HCN4: variants seen among roughly 807,000 people sequenced by gnomAD.
HCN4 encodes the protein hyperpolarization activated cyclic nucleotide gated potassium channel 4, also known as potassium/sodium hyperpolarization-activated cyclic nucleotide-gated channel 4.
HCN4 carries 29 observed loss-of-function variants against 76.9 expected under a neutral mutation model. The observed-to-expected ratio is 0.38, with a 90% confidence interval of 0.28 to 0.51. The LOEUF is 0.51. HCN4 is among the 20% of genes least tolerant of loss of function. The pLI is 0.90. For synonymous variants in HCN4, 772 were observed against 762.5 expected, an observed-to-expected ratio of 1.01 and a Z score of -0.21; for missense variants, 1,416 against 1,715.2, an observed-to-expected ratio of 0.83 and a Z score of 3.08.
intron 1 of HCN4, among the ~76,000 whole-genome samples, chr15:73,364,238 T>C (rs2043118805): frequency 1.3e-5 from 2 of 151,930 alleles, no homozygotes; most frequent in Non-Finnish European, 2.9e-5. Flanking sequence ...AGAACTGACG[T>C]TCCACACAGG....
intron 1 of HCN4, among the ~76,000 whole-genome samples, chr15:73,362,752 C>T (rs144402897): frequency 6.6e-6 from 1 of 152,152 alleles, no homozygotes; most frequent in Admixed American, 6.5e-5. Flanking sequence ...CCAAAACCCT[C>T]GAAGCTCACA....
At position 73,322,220 on chromosome 15, in the gene HCN4, G is replaced by T. The variant is rs1233421873; in HGVS notation, c.*261C>A. 1.2e-4 allele frequency: 40 copies of T among 328,912 alleles called. No homozygotes were observed. The highest frequency in any genetic ancestry group is 2.3e-4 in the South Asian group (9 of 38,448). 20.4% of individuals were successfully genotyped at this position (328,912 alleles called of 1,614,324 possible). On this transcript the variant is annotated 3_prime_UTR_variant, in exon 8 of 8. Transcript: ENST00000261917. ...CCCCATCTGCCTTTCTCTGGCTTTT[G>T]CATTTGGGACCTGCCTGCTCCCTCC...
At chr15:73,354,916 A>G (rs936857449) in intron 1 of HCN4, among the ~76,000 whole-genome samples, 1 of 152,198 alleles carries the variant, frequency 6.6e-6, no homozygotes, top group South Asian at 2.1e-4. Context: ...CCCACCCCAC[A>G]GCGGAGCTGA....
Position 73,332,115 on chromosome 15 carries a change from G to C in HCN4, c.1371+16C>G. 6.2e-7 allele frequency: 1 copy of C among 1,612,766 alleles called. No individual in the cohort carries two copies. Among genetic ancestry groups the C allele is most frequent in the Non-Finnish European group, 8.5e-7 (1 of 1,179,548 alleles). The stretch of plus-strand genomic sequence containing the variant: ...CGCCTATGGCCCAGAGAGAGGACCG[G>C]GCTGGGCGCACTCACCACCATGTTG... On this transcript the variant is annotated intron_variant, in intron 3 of 7. Coordinates refer to ENST00000261917, the MANE Select transcript of HCN4 (RefSeq NM_005477.3).
At chr15:73,344,039 T>A (rs1285218389) in intron 1 of HCN4, among the ~76,000 whole-genome samples, 1 of 152,182 alleles carries the variant, frequency 6.6e-6, no homozygotes, top group Non-Finnish European at 1.5e-5. Context: ...TTCTGTGAGT[T>A]TCCCCGAGCC....
intron 2 of HCN4, among the ~76,000 whole-genome samples, chr15:73,332,592 G>A (rs549738939): frequency 6.6e-6 from 1 of 152,332 alleles, no homozygotes; most frequent in East Asian, 1.9e-4. Flanking sequence ...GCCCCATGCA[G>A]CCCAGAAGTG....
intron 1 of HCN4, among the ~76,000 whole-genome samples, chr15:73,360,463 T>G (rs2043100159): frequency 6.6e-6 from 1 of 152,250 alleles, no homozygotes; most frequent in African/African-American, 2.4e-5. Context: ...CCATTTTCTG[T>G]GCCTGCTGAC....
Position 73,367,621 on chromosome 15 carries a change from T to A in HCN4, c.650A>T (p.Gln217Leu). The change falls in exon 1 of 8, where the codon CAG (glutamine) becomes CTG (leucine). Residue 217 changes from glutamine to leucine, a missense_variant. This residue lies in a region of HCN4 where 355 missense variants were observed against 347.8 expected (regional missense o/e 1.02). Coordinates refer to ENST00000261917, the MANE Select transcript of HCN4 (RefSeq NM_005477.3). The surrounding 1 kb of genome is among the most constrained non-coding windows in gnomAD (Gnocchi z 7.5). The stretch of plus-strand genomic sequence containing the variant: ...CCCGGGTTGGAGCATGGCCCCGAAC[T>A]GGCGCTGCATGAAGCCGGCCTGGCC... ...RLGQAGFMQR[Q>L]FGAMLQPGVN... 2 of 1,613,010 alleles carry A rather than the reference T, an allele frequency of 1.2e-6. No individual in the cohort carries two copies. Among genetic ancestry groups the A allele is most frequent in the Non-Finnish European group, 1.7e-6 (2 of 1,179,980 alleles).
chr15:73,334,394 G>A (rs1480934799), intron 2 of HCN4, among the ~76,000 whole-genome samples: 3 of 152,084 alleles, frequency 2.0e-5, no homozygotes, highest in South Asian at 2.1e-4. Context: ...TCCTAAGACC[G>A]TGAGGCTCTC....
chr15:73,365,893 G>A (rs1403982972), intron 1 of HCN4, among the ~76,000 whole-genome samples: 3 of 152,202 alleles, frequency 2.0e-5, no homozygotes, highest in Admixed American at 1.3e-4. Flanking sequence ...TTGAGAGACA[G>A]GAGGAAAAAC....
At position 73,329,640 on chromosome 15, in the gene HCN4, A is replaced by G; in HGVS notation, c.1523T>C (p.Met508Thr). The G allele has an allele frequency of 6.2e-7, 1 of 1,614,182 alleles. No individual in the cohort carries two copies. The highest frequency in any genetic ancestry group is 8.5e-7 in the Non-Finnish European group (1 of 1,180,008). The change falls in exon 4 of 8, where the codon ATG becomes ACG. Residue 508 changes from methionine (M) to threonine (T), a missense_variant. Transcript: ENST00000261917. The stretch of plus-strand genomic sequence containing the variant: ...GAGGGCAGTGGCGTGGCCAATGAAC[A>G]TGGCGTAGCAGGTGGCACCCACGAT... ...SMIVGATCYAMFIGHATALIQ... is the reference protein window; with the variant it reads ...SMIVGATCYATFIGHATALIQ...
intron 1 of HCN4, among the ~76,000 whole-genome samples, chr15:73,364,225 C>A (rs1288753991): frequency 6.6e-6 from 1 of 152,242 alleles, no homozygotes; most frequent in East Asian, 1.9e-4. Context: ...CAGCAGCAAT[C>A]CCAGAACTGA....
chr15:73,362,089 C>T (rs2043107387), intron 1 of HCN4, among the ~76,000 whole-genome samples: 1 of 152,234 alleles, frequency 6.6e-6, no homozygotes, highest in Non-Finnish European at 1.5e-5. Flanking sequence ...CAGCTTCTTC[C>T]TGTTCACACC....
chr15:73,340,529 G>A (rs1001183983), intron 2 of HCN4, among the ~76,000 whole-genome samples: 4 of 152,106 alleles, frequency 2.6e-5, no homozygotes, highest in Admixed American at 6.5e-5. Flanking sequence ...GGGGAAACAC[G>A]CCTCCATCTT....
At chr15:73,357,335 T>C (rs1487846205) in intron 1 of HCN4, among the ~76,000 whole-genome samples, 1 of 152,004 alleles carries the variant, frequency 6.6e-6, no homozygotes, top group Non-Finnish European at 1.5e-5. Flanking sequence ...CCCAACAGGA[T>C]GATGATGCCC....
chr15:73,328,743 G>A lies in HCN4; in HGVS notation c.1590+830C>T, dbSNP rs2042914950. 1.3e-5 allele frequency among the ~76,000 whole-genome samples: 2 copies of A among 152,158 alleles called. No individual in the cohort carries two copies. The highest frequency in any genetic ancestry group is 2.9e-5 in the Non-Finnish European group (2 of 68,024). ...CAGGCCACAGGACTCATTCTCTGTGGTGAGGGGGCTGCTGTTGAGACCCCA... is the reference window on the plus strand; with the variant it reads ...CAGGCCACAGGACTCATTCTCTGTGATGAGGGGGCTGCTGTTGAGACCCCA... On this transcript the variant is annotated intron_variant, in intron 4 of 7. Coordinates refer to ENST00000261917, the MANE Select transcript of HCN4 (RefSeq NM_005477.3). This position sits in a 1 kb window ranked among gnomAD's most constrained non-coding sequence, Gnocchi z 4.0.
rs1201895951 is a variant in HCN4 at position 73,323,033 on chromosome 15, A to G, written c.3060T>C (p.Thr1020=). 2.0e-6 allele frequency: 3 copies of G among 1,499,350 alleles called. No homozygotes were observed. The highest frequency in any genetic ancestry group is 2.7e-6 in the Non-Finnish European group (3 of 1,128,722). 92.9% of individuals were successfully genotyped at this position (1,499,350 alleles called of 1,614,324 possible). The change falls in exon 8 of 8, where the codon ACT becomes ACC. Residue 1020 remains threonine, a synonymous_variant. Transcript: ENST00000261917. The stretch of plus-strand genomic sequence containing the variant: ...CAGGGGGGCTGAGACCTCCTCGGGG[A>G]GTAAAGCCTACAGGGGAAGCCCCCC... ...ASGGASPVGF[T]PRGGLSPPGH...
chr15:73,360,559 C>A (rs2043100627), intron 1 of HCN4, among the ~76,000 whole-genome samples: 1 of 152,132 alleles, frequency 6.6e-6, no homozygotes, highest in South Asian at 2.1e-4. Context: ...TTTTTAAACA[C>A]TAACATAAAA....
At chr15:73,341,226 T>A (rs543600921) in intron 2 of HCN4, among the ~76,000 whole-genome samples, 3 of 152,042 alleles carry the variant, frequency 2.0e-5, no homozygotes, top group African/African-American at 7.2e-5. Context: ...CTGCAACCTC[T>A]GCCTCCTGGG....
Sources: allele counts gnomAD v4.1 joint callset (sites outside exome capture counted in the v4.1 genomes callset), GRCh38; gene constraint gnomAD v4.1.1; regional missense constraint gnomAD v4.1.1; non-coding constraint Gnocchi (gnomAD v3.1); transcripts MANE v1.5; gene names NCBI Gene and HGNC (gene_info 2026-07-23, HGNC 2026-07-21).